Variants in LRRC4C observed in about 807,000 individuals in gnomAD.
The protein encoded by LRRC4C is leucine rich repeat containing 4C.
LRRC4C carries 5 observed loss-of-function variants against 33.6 expected under a neutral mutation model. The observed-to-expected ratio is 0.15, with a 90% CI of 0.08 to 0.31. LRRC4C has a LOEUF of 0.31. LRRC4C is among the 10% of genes least tolerant of loss of function. LRRC4C has a pLI of 1.00. For missense variants in LRRC4C, 560 were observed against 796.7 expected, an observed-to-expected ratio of 0.70 and a Z score of 3.58; for synonymous variants, 329 against 302.0, an observed-to-expected ratio of 1.09 and a Z score of -0.93.
intron 1 of LRRC4C, among the ~76,000 whole-genome samples, chr11:41,103,931 C>T (rs1333513315): frequency 6.6e-5 from 10 of 151,860 alleles, no homozygotes; most frequent in Admixed American, 6.6e-4. Flanking sequence ...TATGCATATT[C>T]CGATGATGAA....
chr11:41,234,956 C>G (rs1256946646), intron 1 of LRRC4C, among the ~76,000 whole-genome samples: 1 of 151,864 alleles, frequency 6.6e-6, no homozygotes, highest in Non-Finnish European at 1.5e-5. Context: ...TGCAAAGGGC[C>G]AGAGCCTGGA....
At chr11:40,248,256 G>A (rs939288004) in intron 4 of LRRC4C, among the ~76,000 whole-genome samples, 1 of 151,994 alleles carries the variant, frequency 6.6e-6, no homozygotes, top group African/African-American at 2.4e-5. Flanking sequence ...AGTTTTCCCA[G>A]CACTTTATTC....
At chr11:40,564,117 G>A (rs548108168) in intron 3 of LRRC4C, among the ~76,000 whole-genome samples, 42 of 152,302 alleles carry the variant, frequency 2.8e-4, no homozygotes, top group African/African-American at 9.6e-4. Context: ...AGGACAGACA[G>A]GATGTATGAC....
At chr11:41,041,022 T>C (rs116068302) in intron 1 of LRRC4C, among the ~76,000 whole-genome samples, 1,533 of 152,274 alleles carry the variant, frequency 0.01, 36 homozygotes, top group African/African-American at 0.036. Flanking sequence ...ATGGAAAAGA[T>C]TGCCATTAAA....
intron 3 of LRRC4C, among the ~76,000 whole-genome samples, chr11:40,426,391 C>T (rs1015981491): frequency 2.7e-5 from 4 of 150,674 alleles, no homozygotes; most frequent in African/African-American, 9.7e-5. Flanking sequence ...TTTTTTTAAT[C>T]CCATCTGTGC....
intron 5 of LRRC4C, among the ~76,000 whole-genome samples, chr11:40,164,012 G>A (rs988335048): frequency 6.6e-6 from 1 of 152,230 alleles, no homozygotes; most frequent in Middle Eastern, 3.4e-3. Context: ...TTAGCACATT[G>A]TAGCAAGAGA....
intron 2 of LRRC4C, among the ~76,000 whole-genome samples, chr11:40,883,113 C>A (rs1156503090): frequency 6.6e-6 from 1 of 152,056 alleles, no homozygotes; most frequent in Non-Finnish European, 1.5e-5. Context: ...CTTCTATTCC[C>A]ATGTCCTGTC....
At chr11:40,976,323 C>G (rs1421537874) in intron 1 of LRRC4C, among the ~76,000 whole-genome samples, 1 of 152,124 alleles carries the variant, frequency 6.6e-6, no homozygotes, top group Non-Finnish European at 1.5e-5. Context: ...TTATTTACCA[C>G]TATAATCACT....
intron 3 of LRRC4C, among the ~76,000 whole-genome samples, chr11:40,457,963 T>A (rs1284745716): frequency 6.6e-6 from 1 of 152,160 alleles, no homozygotes; most frequent in Admixed American, 6.6e-5. Flanking sequence ...AGAACAAACA[T>A]TACCTTTCTA....
intron 1 of LRRC4C, among the ~76,000 whole-genome samples, chr11:40,958,289 T>A (rs73484738): frequency 0.063 from 9,587 of 151,830 alleles, 429 homozygotes; most frequent in South Asian, 0.18. Context: ...CTCTCACTTT[T>A]TTCAACTGTA....
At chr11:40,669,766 T>C (rs1943994117) in intron 2 of LRRC4C, among the ~76,000 whole-genome samples, 1 of 152,240 alleles carries the variant, frequency 6.6e-6, no homozygotes. Context: ...ATCTGTCACT[T>C]ATTTTCTGCT....
At chr11:41,038,190 G>A (rs1462224) in intron 1 of LRRC4C, among the ~76,000 whole-genome samples, 95,491 of 152,006 alleles carry the variant, frequency 0.63, 30,281 homozygotes, top group South Asian at 0.72. Flanking sequence ...ATTTAGGTAC[G>A]CAGAGCAAAT....
chr11:41,119,261 G>A (rs1303690976), intron 1 of LRRC4C, among the ~76,000 whole-genome samples: 2 of 152,062 alleles, frequency 1.3e-5, no homozygotes, highest in Non-Finnish European at 1.5e-5. Flanking sequence ...TCCAGTATGT[G>A]AGATAGCTAC....
chr11:40,777,469 A>C (rs981795793), intron 2 of LRRC4C, among the ~76,000 whole-genome samples: 1 of 145,820 alleles, frequency 6.9e-6, no homozygotes, highest in Non-Finnish European at 1.5e-5. Flanking sequence ...ATTTATCATT[A>C]TATAATACCA....
intron 1 of LRRC4C, among the ~76,000 whole-genome samples, chr11:41,397,052 A>G (rs1490779683): frequency 6.6e-6 from 1 of 152,124 alleles, no homozygotes; most frequent in East Asian, 1.9e-4. Flanking sequence ...GGGAGAGTAA[A>G]TAAGTTATTG....
intron 1 of LRRC4C, chr11:41,426,589 G>A (rs953231903): frequency 5.9e-5 from 9 of 152,184 alleles, no homozygotes; most frequent in Non-Finnish European, 1.2e-4. Context: ...AAAACAAGCA[G>A]ACTCACTGCC....
intron 2 of LRRC4C, among the ~76,000 whole-genome samples, chr11:40,736,023 T>A (rs1224417785): frequency 6.6e-6 from 1 of 152,108 alleles, no homozygotes; most frequent in East Asian, 1.9e-4. Context: ...TCTTGTAAAT[T>A]TGTTTGAGTT....
intron 3 of LRRC4C, among the ~76,000 whole-genome samples, chr11:40,576,219 A>G (rs1297951955): frequency 6.6e-6 from 1 of 152,188 alleles, no homozygotes; most frequent in East Asian, 1.9e-4. Flanking sequence ...CTGGATTAGG[A>G]TTTCTCAACC....
chr11:41,120,807 TG>T (rs1182796602), intron 1 of LRRC4C, among the ~76,000 whole-genome samples: 1 of 152,132 alleles, frequency 6.6e-6, no homozygotes, highest in Non-Finnish European at 1.5e-5. Context: ...GATTGGATCA[TG>T]GGGGCAGATT....
Sources: allele counts gnomAD v4.1 joint callset (sites outside exome capture counted in the v4.1 genomes callset), GRCh38; gene constraint gnomAD v4.1.1; transcripts MANE v1.5; gene names NCBI Gene and HGNC (gene_info 2026-07-23, HGNC 2026-07-21).